Variants in ATF7IP2 observed in about 807,000 individuals in gnomAD.
ATF7IP2 encodes the protein activating transcription factor 7 interacting protein 2, also known as activating transcription factor 7-interacting protein 2.
ATF7IP2 carries 42 observed loss-of-function variants against 64.2 expected under a neutral mutation model. The observed-to-expected ratio is 0.65, with a 90% CI of 0.51 to 0.85. ATF7IP2 has a LOEUF of 0.85. Among genes scored for constraint, ATF7IP2 ranks in the 40% least tolerant of loss-of-function variants. The probability of loss-of-function intolerance (pLI) is 0.00; values close to 1 mark genes in which losing one functional copy is unlikely to be tolerated. For missense variants in ATF7IP2, 933 were observed against 784.2 expected (o/e 1.19, Z -2.27); for synonymous variants, 308 against 272.8 (o/e 1.13, Z -1.27).
chr16:10,427,288 T>C (rs2048104444), intron 3 of ATF7IP2, among the ~76,000 whole-genome samples: 1 of 152,186 alleles, frequency 6.6e-6, no homozygotes, highest in Non-Finnish European at 1.5e-5. Flanking sequence ...GAAAAGATGA[T>C]AGTAATTAGG....
intron 12 of ATF7IP2, among the ~76,000 whole-genome samples, chr16:10,477,001 C>T (rs2050034069): frequency 6.6e-6 from 1 of 152,082 alleles, no homozygotes; most frequent in African/African-American, 2.4e-5. Flanking sequence ...ATTAATATTC[C>T]TTTGGGTAAA....
chr16:10,447,304 T>C (rs1440648870), intron 8 of ATF7IP2: 1 of 152,286 alleles, frequency 6.6e-6, no homozygotes, highest in East Asian at 1.9e-4. Context: ...TCCAGGTTTA[T>C]TTGTCACAAC....
At chr16:10,478,645 T>A (rs2050097804) in intron 12 of ATF7IP2, among the ~76,000 whole-genome samples, 1 of 152,220 alleles carries the variant, frequency 6.6e-6, no homozygotes, top group Admixed American at 6.5e-5. Context: ...AAAGCCAAAA[T>A]TGACAAATGG....
chr16:10,398,198 GGAGGCT>G (rs1350082338), intron 1 of ATF7IP2, among the ~76,000 whole-genome samples: 1 of 151,996 alleles, frequency 6.6e-6, no homozygotes, highest in Non-Finnish European at 1.5e-5. Flanking sequence ...CAGCAACTCG[GGAGGCT>G]GAGGCAGGAG....
rs1319683824 is a variant in ATF7IP2, at chr16:10,431,391, C to A, written c.771C>A (p.Thr257=). The A allele has an allele frequency of 1.9e-6, 3 of 1,612,476 alleles. No individual in the cohort carries two copies. Among genetic ancestry groups the A allele is most frequent in the South Asian group, 1.1e-5 (1 of 90,988 alleles). ...TGAAAACTGATGAGTGTAGTAGAACCAGTATTTCAAATTGTGAAAGTGCAG... is the reference window on the plus strand; with the variant it reads ...TGAAAACTGATGAGTGTAGTAGAACAAGTATTTCAAATTGTGAAAGTGCAG... ...DILKTDECSR[T]SISNCESADS... Residue 257 remains threonine (T), a synonymous_variant, in exon 5 of 14, where the codon ACC becomes ACA. Transcript: ENST00000562102.
At chr16:10,410,089 C>CT (rs1388452323) in intron 1 of ATF7IP2, among the ~76,000 whole-genome samples, 2 of 152,026 alleles carry the variant, frequency 1.3e-5, no homozygotes, top group South Asian at 2.1e-4. Context: ...ATTTAGGATT[C>CT]TTTTTTCTAG....
At chr16:10,467,689 C>A (rs1364448870) in intron 9 of ATF7IP2, among the ~76,000 whole-genome samples, 1 of 151,500 alleles carries the variant, frequency 6.6e-6, no homozygotes, top group Non-Finnish European at 1.5e-5. Context: ...GCCTCAGCCT[C>A]CTGAGTAGAG....
intron 1 of ATF7IP2, among the ~76,000 whole-genome samples, chr16:10,411,907 T>TG (rs1025002334): frequency 1.3e-5 from 2 of 149,738 alleles, no homozygotes; most frequent in African/African-American, 4.9e-5. Context: ...GCTTATTTGT[T>TG]TTTTTTTTTT....
At chr16:10,409,933 G>A (rs1252129036) in intron 1 of ATF7IP2, among the ~76,000 whole-genome samples, 1 of 152,130 alleles carries the variant, frequency 6.6e-6, no homozygotes, top group Non-Finnish European at 1.5e-5. Context: ...ATTGGTCTTT[G>A]TGCCTATTTT....
intron 1 of ATF7IP2, among the ~76,000 whole-genome samples, chr16:10,409,191 G>C (rs1227174367): frequency 6.6e-6 from 1 of 152,164 alleles, no homozygotes; most frequent in African/African-American, 2.4e-5. Flanking sequence ...AAATAAGGAA[G>C]GGAAGGGGGA....
chr16:10,408,000 C>T (rs988626229), intron 1 of ATF7IP2, among the ~76,000 whole-genome samples: 1 of 151,934 alleles, frequency 6.6e-6, no homozygotes, highest in East Asian at 1.9e-4. Flanking sequence ...CAACCTCTGC[C>T]TCCTGGGTTC....
intron 12 of ATF7IP2, among the ~76,000 whole-genome samples, chr16:10,479,610 C>T (rs2050141768): frequency 1.3e-5 from 2 of 151,582 alleles, no homozygotes; most frequent in Admixed American, 1.3e-4. Context: ...ATGTAACTAA[C>T]CTGCACATTG....
chr16:10,444,498 G>T (rs1479838060), intron 8 of ATF7IP2, among the ~76,000 whole-genome samples: 2 of 152,168 alleles, frequency 1.3e-5, no homozygotes, highest in African/African-American at 4.8e-5. Context: ...TGTGCTAAGA[G>T]ACCTTGGGTC....
At chr16:10,470,616 A>T (rs986537155) in intron 9 of ATF7IP2, among the ~76,000 whole-genome samples, 8 of 151,664 alleles carry the variant, frequency 5.3e-5, no homozygotes, top group African/African-American at 1.5e-4. Context: ...AAACATTTTT[A>T]AAAAAATTTT....
At chr16:10,467,227 G>T (rs1447896328) in intron 9 of ATF7IP2, among the ~76,000 whole-genome samples, 1 of 152,030 alleles carries the variant, frequency 6.6e-6, no homozygotes, top group East Asian at 1.9e-4. Context: ...CACCTTGGTG[G>T]GTCCCAAATA....
At chr16:10,398,759 TG>T (rs917243237) in intron 1 of ATF7IP2, among the ~76,000 whole-genome samples, 17 of 152,070 alleles carry the variant, frequency 1.1e-4, no homozygotes, top group Non-Finnish European at 1.9e-4. Context: ...ATTTTACAGC[TG>T]GGGGGTGGGG....
At chr16:10,423,892 G>A (rs529822334) in intron 3 of ATF7IP2, among the ~76,000 whole-genome samples, 35 of 152,242 alleles carry the variant, frequency 2.3e-4, no homozygotes, top group East Asian at 1.7e-3. Context: ...GTCCTCCAGC[G>A]TAGTTCCATG....
intron 1 of ATF7IP2, among the ~76,000 whole-genome samples, chr16:10,409,538 T>A (rs1166245260): frequency 6.6e-6 from 1 of 152,162 alleles, no homozygotes; most frequent in African/African-American, 2.4e-5. Context: ...GCCATTCTCT[T>A]GCCTCAGCCT....
At chr16:10,481,355 CG>C (rs2050218231) in intron 13 of ATF7IP2, among the ~76,000 whole-genome samples, 2 of 37,114 alleles carry the variant, frequency 5.4e-5, no homozygotes, top group Admixed American at 3.1e-4. Flanking sequence ...CTCAGCCTCC[CG>C]AGTAGCTGGG....
Sources: allele counts gnomAD v4.1 joint callset (sites outside exome capture counted in the v4.1 genomes callset), GRCh38; gene constraint gnomAD v4.1.1; transcripts MANE v1.5; gene names NCBI Gene and HGNC (gene_info 2026-07-23, HGNC 2026-07-21).